SLC38A12: variants seen among roughly 807,000 people sequenced by gnomAD.
SLC38A12 encodes the protein solute carrier family 38 member 12, also known as putative sodium-coupled neutral amino acid transporter 12.
chr17:74,810,739 A>T, the SLC38A12 span, among the ~76,000 whole-genome samples: 2 of 152,132 alleles, frequency 1.3e-5, no homozygotes, highest in Non-Finnish European at 2.9e-5. Flanking sequence ...TAGGAAGCTC[A>T]TCCTTATATA....
the SLC38A12 span, chr17:74,836,353 G>T: frequency 2.4e-5 from 39 of 1,612,526 alleles, no homozygotes; most frequent in Admixed American, 3.3e-5. This position sits in a 1 kb window ranked among gnomAD's most constrained non-coding sequence, Gnocchi z 4.2. Flanking sequence ...CTCTTCCACC[G>T]CGAGGGCGGC....
At chr17:74,802,123 T>G in the SLC38A12 span, among the ~76,000 whole-genome samples, 84 of 152,188 alleles carry the variant, frequency 5.5e-4, 1 homozygote, top group East Asian at 7.1e-3. Flanking sequence ...TGTGACTGCC[T>G]CCTCCACCCT....
chr17:74,796,175 G>C, the SLC38A12 span, among the ~76,000 whole-genome samples: 2 of 152,038 alleles, frequency 1.3e-5, no homozygotes, highest in South Asian at 2.1e-4. Context: ...TGCCGTTGGT[G>C]GGGGGCAGGG....
At chr17:74,829,272 C>T in the SLC38A12 span, among the ~76,000 whole-genome samples, 2 of 152,126 alleles carry the variant, frequency 1.3e-5, no homozygotes, top group South Asian at 2.1e-4. The surrounding 1 kb of genome is among the most constrained non-coding windows in gnomAD (Gnocchi z 4.1). Context: ...TACAGGCGCC[C>T]GCCACCATGT....
At chr17:74,789,676 T>C in the SLC38A12 span, among the ~76,000 whole-genome samples, 1 of 151,466 alleles carries the variant, frequency 6.6e-6, no homozygotes, top group Non-Finnish European at 1.5e-5. Context: ...TGAAACCCCA[T>C]CTCTACTAAA....
At chr17:74,796,858 A>G in the SLC38A12 span, among the ~76,000 whole-genome samples, 1 of 152,256 alleles carries the variant, frequency 6.6e-6, no homozygotes, top group African/African-American at 2.4e-5. Flanking sequence ...CACTAGCAGC[A>G]CAGCTGAGGC....
chr17:74,823,680 A>C, the SLC38A12 span, among the ~76,000 whole-genome samples: 1 of 152,238 alleles, frequency 6.6e-6, no homozygotes, highest in Admixed American at 6.5e-5. Context: ...TGTCCCCAGC[A>C]GTGAGGCTGT....
At chr17:74,819,662 G>A in the SLC38A12 span, 410 of 1,317,970 alleles carry the variant, frequency 3.1e-4, no homozygotes, top group African/African-American at 3.9e-3. Context: ...AGCTATGGGC[G>A]GAGGCCACGT....
the SLC38A12 span, chr17:74,795,129 C>T: frequency 2.5e-6 from 4 of 1,610,642 alleles, no homozygotes; most frequent in South Asian, 1.1e-5. Context: ...CCCTCCTGGC[C>T]CCCAGGTTGG....
At chr17:74,828,027 C>T in the SLC38A12 span, among the ~76,000 whole-genome samples, 1 of 152,196 alleles carries the variant, frequency 6.6e-6, no homozygotes, top group African/African-American at 2.4e-5. Context: ...CCTGGAGTGC[C>T]GGTGCCTGAG....
At chr17:74,801,337 G>A in the SLC38A12 span, among the ~76,000 whole-genome samples, 20 of 152,340 alleles carry the variant, frequency 1.3e-4, no homozygotes, top group African/African-American at 4.6e-4. Flanking sequence ...GCGTGCAGTC[G>A]TTCTAACCCG....
At chr17:74,780,130 C>T in the SLC38A12 span, among the ~76,000 whole-genome samples, 7 of 152,228 alleles carry the variant, frequency 4.6e-5, no homozygotes, top group Admixed American at 3.9e-4. Context: ...CCTGCTGGTT[C>T]CTGCTGAAGA....
At chr17:74,785,155 G>C in the SLC38A12 span, among the ~76,000 whole-genome samples, 3 of 152,318 alleles carry the variant, frequency 2.0e-5, no homozygotes, top group South Asian at 6.2e-4. Context: ...TCTGTCCCCG[G>C]GAAGCCTACA....
At chr17:74,790,130 C>G in the SLC38A12 span, 5 of 1,320,936 alleles carry the variant, frequency 3.8e-6, no homozygotes, top group Middle Eastern at 1.8e-4. Context: ...ACATTCTGTA[C>G]TTTTTTGATG....
At chr17:74,783,177 T>C in the SLC38A12 span, among the ~76,000 whole-genome samples, 1 of 152,274 alleles carries the variant, frequency 6.6e-6, no homozygotes, top group East Asian at 1.9e-4. Flanking sequence ...AACTGGATGG[T>C]GAAGACTCTC....
the SLC38A12 span, among the ~76,000 whole-genome samples, chr17:74,802,892 C>T: frequency 6.6e-6 from 1 of 152,120 alleles, no homozygotes; most frequent in Non-Finnish European, 1.5e-5. Context: ...CTCCCGGGCA[C>T]GTGGGGAAAA....
chr17:74,819,791 C>T, the SLC38A12 span: 83 of 1,614,130 alleles, frequency 5.1e-5, no homozygotes, highest in East Asian at 1.6e-4. Context: ...CCTTCTTTGA[C>T]GTCCAGAAGA....
chr17:74,823,043 A>G, the SLC38A12 span, among the ~76,000 whole-genome samples: 6,385 of 152,308 alleles, frequency 0.042, 328 homozygotes, highest in East Asian at 0.18. Context: ...AGTCTGTGCC[A>G]AGTTGTCAGT....
At chr17:74,839,088 C>T in the SLC38A12 span, 6 of 1,534,898 alleles carry the variant, frequency 3.9e-6, no homozygotes, top group Non-Finnish European at 4.4e-6. Flanking sequence ...CACAGAAGCA[C>T]CAGACCCACC....
Sources: gnomAD v4.1 joint callset for allele counts (sites outside exome capture counted in the v4.1 genomes callset) on GRCh38, gnomAD v4.1.1 for gene constraint, Gnocchi (gnomAD v3.1) non-coding constraint, MANE v1.5 for transcripts, NCBI Gene and HGNC (gene_info 2026-07-23, HGNC 2026-07-21) for gene names.